The following CDC40 variants were observed in gnomAD, a reference collection of about 807,000 sequenced individuals.
CDC40 encodes the protein cell division cycle 40, also known as pre-mRNA-processing factor 17.
Under a neutral mutation model 80.6 loss-of-function variants are expected in CDC40, and 27 were observed. The ratio of observed to expected loss-of-function variants is 0.33; its 90% confidence interval spans 0.25 to 0.46. The LOEUF (loss-of-function observed/expected upper bound fraction) is 0.46, where lower values mean the gene tolerates loss of function less well. Ranked by LOEUF, CDC40 falls within the 20% of genes least tolerant of loss-of-function variation. The pLI, the probability that CDC40 is intolerant of heterozygous loss-of-function variation, is 1.00. For synonymous variants in CDC40, 221 were observed against 232.6 expected, an observed-to-expected ratio of 0.95 and a Z score of 0.45; for missense variants, 486 against 694.1, an observed-to-expected ratio of 0.70 and a Z score of 3.37.
intron 2 of CDC40, among the ~76,000 whole-genome samples, chr6:110,195,284 C>A (rs1180197552): frequency 6.6e-6 from 1 of 152,086 alleles, no homozygotes; most frequent in African/African-American, 2.4e-5. Context: ...CTAGTGTTTA[C>A]CAGAGAGTAT....
intron 2 of CDC40, among the ~76,000 whole-genome samples, chr6:110,196,964 T>C (rs1051357849): frequency 2.6e-5 from 4 of 152,162 alleles, no homozygotes; most frequent in African/African-American, 7.2e-5. Context: ...GTAATTTGGG[T>C]TATTTTTCTT....
intron 1 of CDC40, among the ~76,000 whole-genome samples, chr6:110,189,766 A>C (rs1408202099): frequency 2.0e-5 from 3 of 152,140 alleles, no homozygotes; most frequent in African/African-American, 7.2e-5. Flanking sequence ...AAGAAGAAAA[A>C]CTTGACCCTG....
chr6:110,213,027 C>T (rs1283193602), intron 7 of CDC40, 59 bp from the exon 8 acceptor site: 12 of 1,139,892 alleles, frequency 1.1e-5, no homozygotes, highest in Non-Finnish European at 1.3e-5. Context: ...TTTCTTGATG[C>T]TTCATTTGAG....
At chr6:110,219,278 G>A in intron 10 of CDC40, 86 bp from the exon 11 acceptor site, 1 of 599,184 alleles carries the variant, frequency 1.7e-6, no homozygotes, top group Non-Finnish European at 3.0e-6. Flanking sequence ...AATGTATTAA[G>A]CAGGTGACCT....
intron 1 of CDC40, among the ~76,000 whole-genome samples, chr6:110,187,230 T>C (rs1777285069): frequency 6.6e-6 from 1 of 152,224 alleles, no homozygotes; most frequent in Non-Finnish European, 1.5e-5. Flanking sequence ...TTTTGCACTT[T>C]AGAAATCATG....
chr6:110,180,593 T>C lies in CDC40; in HGVS notation c.149T>C (p.Leu50Pro). The change falls in exon 1 of 15, where the codon CTA (leucine) becomes CCA (proline). Residue 50 changes from leucine to proline, a missense_variant. Leu to Pro is a moderately conservative substitution (Grantham distance 98). Transcript: ENST00000307731. ...AAATCGCCTTCATCAAAGCCGTCTC[T>C]AGCAGTGGCAGTGGACTCGGCTCCG... ...LTKSPSSKPS[L>P]AVAVDSAPEV... is the part of the protein sequence containing the mutation. 1 of 1,614,184 alleles carries C rather than the reference T, an allele frequency of 6.2e-7. No homozygotes were observed. Among genetic ancestry groups the C allele is most frequent in the Non-Finnish European group, 8.5e-7 (1 of 1,179,994 alleles).
chr6:110,190,443 AAG>A (rs1483925706), intron 1 of CDC40, among the ~76,000 whole-genome samples: 2 of 152,174 alleles, frequency 1.3e-5, no homozygotes, highest in Non-Finnish European at 2.9e-5. Flanking sequence ...CTGGGATGCA[AAG>A]AGAGGAGGGT....
chr6:110,192,419 A>G (rs1018751644), intron 1 of CDC40, among the ~76,000 whole-genome samples: 3 of 152,218 alleles, frequency 2.0e-5, no homozygotes, highest in African/African-American at 7.2e-5. Flanking sequence ...ATTGTGATTA[A>G]CTAAGAGAAG....
chr6:110,187,312 G>A (rs1777286625), intron 1 of CDC40, among the ~76,000 whole-genome samples: 2 of 152,172 alleles, frequency 1.3e-5, no homozygotes, highest in Admixed American at 1.3e-4. Context: ...AAGCAGATCT[G>A]GCTTTCTCTC....
rs758315282 is a variant in CDC40 at position 110,217,655 on chromosome 6, T to C, written c.989-47T>C. 5 of 834,692 alleles carry C rather than the reference T, an allele frequency of 6.0e-6. No individual in the cohort carries two copies. In the Admixed American group the frequency reaches 8.5e-5, roughly 14 times the overall value. The allele number at this position is 834,692 out of a possible 1,614,324, so 51.7% of individuals were successfully genotyped here. ...GTGTTAATGTTTTAAGAGAAGAAGA[T>C]ATATGATACTTCACCTCATTGCTGT... On this transcript the variant is annotated intron_variant, in intron 9 of 14. Transcript: ENST00000307731.
In CDC40 at chr6:110,210,787, G is replaced by T; in HGVS notation, c.711G>T (p.Glu237Asp). ...AGGAAGAAGAGAAACCTGGGGAGGA[G>T]AAGACAATCTTACATGGTAACATAT... ...GKQEEEKPGE[E>D]KTILHVKEMY... The change falls in exon 6 of 15, where the codon GAG (glutamate) becomes GAT (aspartate). Residue 237 changes from glutamate to aspartate, a missense_variant. Around this residue, in one of 3 missense-constraint regions of CDC40, gnomAD observed 381 missense variants for 492.1 expected, o/e 0.77. Coordinates refer to ENST00000307731, the MANE Select transcript of CDC40 (RefSeq NM_015891.3). 1 of 1,559,132 alleles carries T rather than the reference G, an allele frequency of 6.4e-7. No homozygotes were observed. Among genetic ancestry groups the T allele is most frequent in the Non-Finnish European group, 8.7e-7 (1 of 1,152,550 alleles).
In CDC40 at chr6:110,193,691, C is replaced by T. The variant is rs182021682; in HGVS notation, c.276+423C>T. Among the ~76,000 whole-genome samples, 197 of 152,316 alleles carry T rather than the reference C, an allele frequency of 1.3e-3. 1 individual carries two copies. Among genetic ancestry groups the T allele is most frequent in the African/African-American group, 4.6e-3 (193 of 41,590 alleles). ...AAGTGCTGGGATTACAGGCATGAGC[C>T]ACTGCGCCCAGCCGAAAATACATCC... On this transcript the variant is annotated intron_variant, in intron 2 of 14. Transcript: ENST00000307731.
chr6:110,196,007 G>C (rs1777414823), intron 2 of CDC40, among the ~76,000 whole-genome samples: 1 of 152,156 alleles, frequency 6.6e-6, no homozygotes, highest in Non-Finnish European at 1.5e-5. Flanking sequence ...ATATAGATTA[G>C]TGAAATAAAG....
intron 13 of CDC40, among the ~76,000 whole-genome samples, chr6:110,227,247 G>T (rs947845037): frequency 1.3e-5 from 2 of 152,152 alleles, no homozygotes; most frequent in Non-Finnish European, 2.9e-5. Context: ...TTACATGAGA[G>T]TCTTAAAGTG....
chr6:110,210,371 A>G (rs1334725310), intron 5 of CDC40, among the ~76,000 whole-genome samples: 1 of 150,790 alleles, frequency 6.6e-6, no homozygotes, highest in Non-Finnish European at 1.5e-5. Context: ...GCAACACAGT[A>G]AAACCCTGTC....
intron 8 of CDC40, among the ~76,000 whole-genome samples, chr6:110,214,845 AAACAG>A (rs1777678962): frequency 2.0e-5 from 3 of 152,250 alleles, no homozygotes; most frequent in Admixed American, 2.0e-4. Context: ...TCAGAAAAGT[AAACAG>A]AAAAGGCTTT....
chr6:110,189,307 T>A (rs1777315646), intron 1 of CDC40, among the ~76,000 whole-genome samples: 1 of 152,234 alleles, frequency 6.6e-6, no homozygotes. Context: ...TATAGTCTAT[T>A]GTCTGTCTCC....
intron 5 of CDC40, among the ~76,000 whole-genome samples, chr6:110,209,997 T>C (rs1286684998): frequency 1.3e-5 from 2 of 152,210 alleles, no homozygotes; most frequent in Non-Finnish European, 2.9e-5. Flanking sequence ...TGTATAGCTA[T>C]CACTTATATC....
chr6:110,200,937 T>C (rs917156640), intron 2 of CDC40, among the ~76,000 whole-genome samples: 10 of 152,212 alleles, frequency 6.6e-5, no homozygotes, highest in Non-Finnish European at 1.3e-4. Context: ...AGTGGAGATA[T>C]TTTATTGACA....
Sources: allele counts gnomAD v4.1 joint callset (sites outside exome capture counted in the v4.1 genomes callset), GRCh38; gene constraint gnomAD v4.1.1; regional missense constraint gnomAD v4.1.1; transcripts MANE v1.5; gene names NCBI Gene and HGNC (gene_info 2026-07-23, HGNC 2026-07-21).